The following CLEC16A variants were observed in gnomAD, a reference collection of about 807,000 sequenced individuals.
CLEC16A encodes the protein protein CLEC16A.
A neutral mutation model predicts 109.5 loss-of-function variants in CLEC16A; 51 were observed. That is an observed-to-expected ratio of 0.47 (90% CI 0.37 to 0.59). The LOEUF is 0.59. Ranked by LOEUF, CLEC16A falls within the 20% of genes least tolerant of loss-of-function variation. The pLI is 0.00. For synonymous variants in CLEC16A, 673 were observed against 564.2 expected (o/e 1.19, Z -2.73); for missense variants, 1,339 against 1,394.0 (o/e 0.96, Z 0.63).
At chr16:10,952,248 C>G (rs1179413768) in intron 1 of CLEC16A, among the ~76,000 whole-genome samples, 1 of 152,222 alleles carries the variant, frequency 6.6e-6, no homozygotes, top group African/African-American at 2.4e-5. Context: ...AATCCCAGCA[C>G]TTTGGGAAGC....
intron 23 of CLEC16A, among the ~76,000 whole-genome samples, chr16:11,171,743 ACT>A (rs2068520037): frequency 2.6e-5 from 4 of 152,222 alleles, no homozygotes; most frequent in African/African-American, 7.2e-5. Flanking sequence ...CTGGTATACC[ACT>A]GTGCACCCAC....
At chr16:11,126,515 G>T in intron 22 of CLEC16A, 1 of 883,938 alleles carries the variant, frequency 1.1e-6, no homozygotes, top group Non-Finnish European at 1.6e-6. Context: ...AGTGTGTTTG[G>T]TTCCGGTTAC....
chr16:10,945,717 A>G (rs1239906677), intron 1 of CLEC16A, among the ~76,000 whole-genome samples: 1 of 152,206 alleles, frequency 6.6e-6, no homozygotes, highest in African/African-American at 2.4e-5. Flanking sequence ...CAGTAGTGGT[A>G]GCTGTGTTTA....
intron 22 of CLEC16A, among the ~76,000 whole-genome samples, chr16:11,127,171 CAT>C (rs1207898005): frequency 1.3e-5 from 2 of 152,240 alleles, no homozygotes; most frequent in Admixed American, 1.3e-4. Context: ...GTATGTCATG[CAT>C]ATGTTTGTTT....
At chr16:10,999,462 C>T (rs2152744266) in intron 10 of CLEC16A, among the ~76,000 whole-genome samples, 1 of 152,286 alleles carries the variant, frequency 6.6e-6, no homozygotes, top group African/African-American at 2.4e-5. Context: ...ACTGCCTACT[C>T]CCTTCCTGCA....
intron 19 of CLEC16A, among the ~76,000 whole-genome samples, chr16:11,084,227 C>T (rs954138880): frequency 2.0e-5 from 3 of 152,098 alleles, no homozygotes; most frequent in African/African-American, 7.2e-5. Context: ...CTCCCTGACA[C>T]CTTCAACTCT....
intron 12 of CLEC16A, among the ~76,000 whole-genome samples, chr16:11,021,571 G>A (rs2046100944): frequency 6.6e-6 from 1 of 152,208 alleles, no homozygotes; most frequent in Admixed American, 6.5e-5. Context: ...GCCAAGGGGG[G>A]AGGATCACTT....
chr16:11,076,391 C>T (rs188204016), intron 19 of CLEC16A, among the ~76,000 whole-genome samples: 7 of 152,148 alleles, frequency 4.6e-5, no homozygotes, highest in African/African-American at 1.2e-4. Flanking sequence ...CAGTAAGAGC[C>T]GCCACAGAAA....
At chr16:11,104,166 T>C (rs1321509566) in intron 19 of CLEC16A, among the ~76,000 whole-genome samples, 1 of 152,096 alleles carries the variant, frequency 6.6e-6, no homozygotes, top group Non-Finnish European at 1.5e-5. Context: ...TGGAGTACAG[T>C]GGTACAATCT....
chr16:11,126,267 C>G (rs1191140199), intron 22 of CLEC16A, 121 bp downstream of exon 22: 1 of 1,554,462 alleles, frequency 6.4e-7, no homozygotes, highest in Admixed American at 2.0e-5. Flanking sequence ...CGGCTGGCAG[C>G]ACCAGCTTCT....
Position 11,094,814 on chromosome 16 carries a change from T to C in CLEC16A, c.2117-25801T>C, listed in dbSNP as rs577742401. On this transcript the variant is annotated intron_variant, in intron 19 of 23. Coordinates refer to ENST00000409790, the MANE Select transcript of CLEC16A (RefSeq NM_015226.3). ...TTTACGTGAATCACATTTAAATCAA[T>C]AAAGCCTGTAGAATGAATCAAGTTA... Among the ~76,000 whole-genome samples the C allele has an allele frequency of 1.3e-4, 20 of 152,332 alleles. No individual in the cohort carries two copies. In the Middle Eastern group the frequency reaches 0.01, roughly 78 times the overall value.
chr16:11,085,726 G>A (rs1367646304), intron 19 of CLEC16A, among the ~76,000 whole-genome samples: 1 of 152,164 alleles, frequency 6.6e-6, no homozygotes, highest in African/African-American at 2.4e-5. Flanking sequence ...TGAGTAGCTG[G>A]GACCACAGGT....
intron 21 of CLEC16A, 37 bp from the exon 22 acceptor site, chr16:11,125,942 C>T (rs567309244): frequency 1.6e-6 from 2 of 1,280,196 alleles, no homozygotes; most frequent in African/African-American, 1.6e-5. Context: ...CTCTATCCCA[C>T]ATGCTCAGAG....
intron 10 of CLEC16A, among the ~76,000 whole-genome samples, chr16:11,000,211 G>A (rs2044587873): frequency 6.6e-6 from 1 of 152,202 alleles, no homozygotes; most frequent in Non-Finnish European, 1.5e-5. Flanking sequence ...TTTAGAACAG[G>A]AACCTGAGGC....
chr16:11,173,884 C>G (rs901962214), intron 23 of CLEC16A, among the ~76,000 whole-genome samples: 1 of 152,184 alleles, frequency 6.6e-6, no homozygotes, highest in African/African-American at 2.4e-5. Context: ...TTCTCTGCCC[C>G]TAACCCGGTT....
intron 3 of CLEC16A, 133 bp from the exon 4 acceptor site, chr16:10,969,028 C>T: frequency 3.1e-6 from 2 of 648,966 alleles, no homozygotes; most frequent in Non-Finnish European, 5.1e-6. Context: ...TAAGCTCTTC[C>T]CAGTTAGTGT....
intron 3 of CLEC16A, among the ~76,000 whole-genome samples, chr16:10,964,243 G>A (rs922882323): frequency 1.3e-5 from 2 of 152,238 alleles, no homozygotes; most frequent in Admixed American, 1.3e-4. Flanking sequence ...CCCGGTGACC[G>A]CAAGTTGACA....
chr16:11,103,682 G>T (rs1333496975), intron 19 of CLEC16A, among the ~76,000 whole-genome samples: 1 of 152,138 alleles, frequency 6.6e-6, no homozygotes, highest in African/African-American at 2.4e-5. Flanking sequence ...GTCTTCCCCT[G>T]CTGTGGCTCT....
In CLEC16A at chr16:11,123,997, G is replaced by A. The variant is rs535355127; in HGVS notation, c.2473+51G>A. 25 of 1,523,276 alleles carry A rather than the reference G, an allele frequency of 1.6e-5. No homozygotes were observed. The South Asian group carries it at 3.0e-4, about 18-fold the overall frequency. The allele number at this position is 1,523,276 out of a possible 1,614,324, so 94.4% of individuals were successfully genotyped here. On this transcript the variant is annotated intron_variant, in intron 21 of 23. Transcript: ENST00000409790. ...ATCCTCTGAGCACTTGGTGGGTCAG[G>A]GCTGTTTGTAGTTCTCACACTGACC...
Sources: allele counts gnomAD v4.1 joint callset (sites outside exome capture counted in the v4.1 genomes callset), GRCh38; gene constraint gnomAD v4.1.1; transcripts MANE v1.5; gene names NCBI Gene and HGNC (gene_info 2026-07-23, HGNC 2026-07-21).